The following PTPRK variants were observed in gnomAD, a reference collection of about 807,000 sequenced individuals.
PTPRK encodes protein tyrosine phosphatase receptor type K.
PTPRK carries 75 observed loss-of-function variants against 178.0 expected under a neutral mutation model. The observed-to-expected ratio is 0.42, with a 90% CI of 0.35 to 0.51. PTPRK has a LOEUF of 0.51. Among genes scored for constraint, PTPRK ranks in the 20% least tolerant of loss-of-function variants. The pLI is 0.02. For missense variants in PTPRK, 1,441 were observed against 1,797.8 expected (o/e 0.80, Z 3.59); for synonymous variants, 637 against 620.6 (o/e 1.03, Z -0.39).
chr6:127,987,097 A>T (rs1776064534), intron 21 of PTPRK, among the ~76,000 whole-genome samples: 1 of 151,976 alleles, frequency 6.6e-6, no homozygotes, highest in Admixed American at 6.6e-5. Flanking sequence ...CTTTTATTGG[A>T]GTTGCTTAAT....
chr6:128,309,172 C>A (rs1458376258), intron 3 of PTPRK, among the ~76,000 whole-genome samples: 3 of 152,138 alleles, frequency 2.0e-5, no homozygotes, highest in African/African-American at 7.2e-5. Flanking sequence ...CAGTCTAATC[C>A]AACTGAGCAT....
Position 127,998,645 on chromosome 6 carries a change from A to AG in PTPRK, c.2679+74dup, listed in dbSNP as rs2114683305. 7 of 1,273,104 alleles carry AG rather than the reference A, an allele frequency of 5.5e-6. No homozygotes were observed. The South Asian group carries it at 6.5e-5, about 12-fold the overall frequency. 78.9% of individuals were successfully genotyped at this position (1,273,104 alleles called of 1,614,324 possible). On this transcript the variant is annotated intron_variant, in intron 16 of 29. Transcript: ENST00000368226. ...ATCCCCTCCTTGTTGTGTTAAAGAG[A>AG]GGGAAAAAAATGCTAAATTCCACTG...
intron 1 of PTPRK, among the ~76,000 whole-genome samples, chr6:128,410,338 G>A (rs1474445242): frequency 2.0e-5 from 3 of 152,162 alleles, no homozygotes; most frequent in South Asian, 4.1e-4. Flanking sequence ...CCCACAAAAC[G>A]AGAATCATCC....
chr6:128,049,361 C>T (rs1186759002), intron 13 of PTPRK, among the ~76,000 whole-genome samples: 1 of 152,044 alleles, frequency 6.6e-6, no homozygotes, highest in Non-Finnish European at 1.5e-5. Flanking sequence ...ATTTCCCATA[C>T]CATTGGTTTT....
intron 6 of PTPRK, among the ~76,000 whole-genome samples, chr6:128,190,264 T>C (rs907247526): frequency 6.6e-6 from 1 of 152,128 alleles, no homozygotes; most frequent in Non-Finnish European, 1.5e-5. Flanking sequence ...CTGTTATTTT[T>C]CTGATACTTC....
chr6:128,264,730 G>A (rs527833936), intron 3 of PTPRK, among the ~76,000 whole-genome samples: 10 of 152,162 alleles, frequency 6.6e-5, no homozygotes, highest in African/African-American at 2.4e-4. Flanking sequence ...GTTTGGTTGT[G>A]TCCCCACCCA....
chr6:128,110,632 T>A (rs984964960), intron 7 of PTPRK, among the ~76,000 whole-genome samples: 17 of 151,024 alleles, frequency 1.1e-4, no homozygotes, highest in African/African-American at 3.9e-4. Flanking sequence ...AAAAAAAAAA[T>A]GTCAATATAG....
At chr6:128,084,077 T>C (rs1785311120) in intron 8 of PTPRK, among the ~76,000 whole-genome samples, 2 of 152,254 alleles carry the variant, frequency 1.3e-5, no homozygotes, top group African/African-American at 4.8e-5. Context: ...AAAAGAATAT[T>C]CTATCACCTT....
intron 1 of PTPRK, among the ~76,000 whole-genome samples, chr6:128,515,420 T>C (rs1857836864): frequency 6.6e-6 from 1 of 152,022 alleles, no homozygotes; most frequent in South Asian, 2.1e-4. Context: ...GAGTTTTGAT[T>C]AAAAAAACAA....
chr6:128,087,825 G>A (rs1215181897), intron 8 of PTPRK, among the ~76,000 whole-genome samples: 1 of 152,106 alleles, frequency 6.6e-6, no homozygotes, highest in Non-Finnish European at 1.5e-5. Context: ...CAAATTTTGA[G>A]CTAAATGTGG....
At position 128,519,148 on chromosome 6, in the gene PTPRK, A is replaced by C. The variant is rs1401239468; in HGVS notation, c.100+1111T>G. 1 of 497,648 alleles carries C rather than the reference A, an allele frequency of 2.0e-6. No individual in the cohort carries two copies. The highest frequency in any genetic ancestry group is 4.1e-6 in the Non-Finnish European group (1 of 241,834). 30.8% of individuals were successfully genotyped at this position (497,648 alleles called of 1,614,324 possible). On this transcript the variant is annotated intron_variant, in intron 1 of 29. Transcript: ENST00000368226. This position sits in a 1 kb window ranked among gnomAD's most constrained non-coding sequence, Gnocchi z 4.3. ...GCTCGCCAGCCAAGCGAAGCTGGGTAGGTTGGCCAGAAAAGTTGTCAGGAC... is the reference window on the plus strand; with the variant it reads ...GCTCGCCAGCCAAGCGAAGCTGGGTCGGTTGGCCAGAAAAGTTGTCAGGAC...
intron 1 of PTPRK, among the ~76,000 whole-genome samples, chr6:128,434,961 T>C (rs1845318033): frequency 6.6e-6 from 1 of 150,658 alleles, no homozygotes; most frequent in Non-Finnish European, 1.5e-5. Flanking sequence ...GAGGTCAAGG[T>C]TGCAGGCAGG....
intron 1 of PTPRK, among the ~76,000 whole-genome samples, chr6:128,411,014 C>T (rs72974053): frequency 0.055 from 8,315 of 152,270 alleles, 273 homozygotes; most frequent in Non-Finnish European, 0.068. Flanking sequence ...GCCTCAGACT[C>T]CTGAGTACCT....
intron 3 of PTPRK, among the ~76,000 whole-genome samples, chr6:128,288,582 TCAAAC>T (rs1304118060): frequency 4.6e-5 from 7 of 152,238 alleles, no homozygotes; most frequent in African/African-American, 1.4e-4. Flanking sequence ...CTGTTAGAAA[TCAAAC>T]CAAAGATTTT....
chr6:128,421,810 C>A (rs1452686083), intron 1 of PTPRK, among the ~76,000 whole-genome samples: 1 of 152,186 alleles, frequency 6.6e-6, no homozygotes, highest in Non-Finnish European at 1.5e-5. Context: ...CTAAAAGAAG[C>A]TAAAATTGTG....
intron 11 of PTPRK, among the ~76,000 whole-genome samples, chr6:128,075,592 T>C (rs1783663791): frequency 6.6e-6 from 1 of 152,108 alleles, no homozygotes; most frequent in Non-Finnish European, 1.5e-5. Flanking sequence ...TTTAGGAGTC[T>C]ACCACTCACA....
chr6:128,520,156 G>A (rs1457563196), intron 1 of PTPRK, 103 bp downstream of exon 1: 2 of 1,021,990 alleles, frequency 2.0e-6, no homozygotes, highest in Non-Finnish European at 1.4e-6. Flanking sequence ...CGGACAGAGA[G>A]AGCTCCCCAC....
chr6:127,991,517 GAA>G, intron 19 of PTPRK, 126 bp from the exon 20 acceptor site: 1 of 522,348 alleles, frequency 1.9e-6, no homozygotes, highest in Non-Finnish European at 3.0e-6. Context: ...AAATGTCACT[GAA>G]AATACTTAAA....
chr6:127,989,967 A>G (rs1776418603), intron 21 of PTPRK, among the ~76,000 whole-genome samples: 3 of 152,112 alleles, frequency 2.0e-5, no homozygotes, highest in Admixed American at 1.3e-4. Flanking sequence ...AAGCTTTACC[A>G]CAAAATGTAT....
Sources: allele counts gnomAD v4.1 joint callset (sites outside exome capture counted in the v4.1 genomes callset), GRCh38; gene constraint gnomAD v4.1.1; non-coding constraint Gnocchi (gnomAD v3.1); transcripts MANE v1.5; gene names NCBI Gene and HGNC (gene_info 2026-07-23, HGNC 2026-07-21).